CDH11: variants seen among roughly 807,000 people sequenced by gnomAD.
The protein encoded by CDH11 is cadherin-11.
A neutral mutation model predicts 67.8 loss-of-function variants in CDH11; 11 were observed. That is an observed-to-expected ratio of 0.16 (90% CI 0.10 to 0.27). CDH11 has a LOEUF of 0.27. Ranked by LOEUF, CDH11 falls within the 10% of genes least tolerant of loss-of-function variation. The pLI is 1.00. For missense variants in CDH11, 847 were observed against 1,031.2 expected, an observed-to-expected ratio of 0.82 and a Z score of 2.45; for synonymous variants, 419 against 400.0, an observed-to-expected ratio of 1.05 and a Z score of -0.57.
intron 2 of CDH11, among the ~76,000 whole-genome samples, chr16:65,024,712 C>T (rs1008856459): frequency 2.0e-5 from 3 of 152,234 alleles, no homozygotes; most frequent in Admixed American, 6.5e-5. Context: ...AAGAATATAG[C>T]GCTGGGCATT....
chr16:65,108,063 G>A (rs1378031457), intron 1 of CDH11, among the ~76,000 whole-genome samples: 1 of 152,068 alleles, frequency 6.6e-6, no homozygotes. Context: ...CAGAAGTTAG[G>A]CACCCAATAA....
chr16:64,950,276 G>T (rs76947072), intron 12 of CDH11, among the ~76,000 whole-genome samples: 1 of 152,088 alleles, frequency 6.6e-6, no homozygotes, highest in Non-Finnish European at 1.5e-5. Flanking sequence ...AATTAGTGGA[G>T]GGGTTAGAGT....
At chr16:65,053,193 T>C (rs1301226522) in intron 2 of CDH11, among the ~76,000 whole-genome samples, 1 of 152,062 alleles carries the variant, frequency 6.6e-6, no homozygotes, top group Non-Finnish European at 1.5e-5. Context: ...ACCGAGCAGA[T>C]GGAGAAGGTA....
At chr16:65,078,887 A>G (rs16968430) in intron 1 of CDH11, among the ~76,000 whole-genome samples, 8,545 of 152,236 alleles carry the variant, frequency 0.056, 565 homozygotes, top group East Asian at 0.21. Flanking sequence ...CCTGGCTGTA[A>G]GCAATGTATA....
chr16:65,095,561 G>A (rs1450130700), intron 1 of CDH11, among the ~76,000 whole-genome samples: 2 of 152,130 alleles, frequency 1.3e-5, no homozygotes, highest in Non-Finnish European at 2.9e-5. Context: ...TTTACTTTAA[G>A]TGTGAAAAAT....
At position 64,946,002 on chromosome 16, in the gene CDH11, T is replaced by C. The variant is rs1458029199; in HGVS notation, c.*1601A>G. 2.3e-5 allele frequency: 24 copies of C among 1,058,874 alleles called. No individual in the cohort carries two copies. Among genetic ancestry groups the C allele is most frequent in the Non-Finnish European group, 2.7e-5 (24 of 875,320 alleles). The allele number at this position is 1,058,874 out of a possible 1,614,324, so 65.6% of individuals were successfully genotyped here. A position where few individuals can be genotyped will look rare whatever the true frequency, so the allele number is the denominator to read the frequency against. ...CCCAACTGAACAGGTGAAATGCCCT[T>C]CACATAAGTTTCAATCCCCAAGAAA... On this transcript the variant is annotated 3_prime_UTR_variant, in exon 13 of 13. Transcript: ENST00000268603.
intron 2 of CDH11, among the ~76,000 whole-genome samples, chr16:65,019,600 A>T (rs2073381392): frequency 6.6e-6 from 1 of 152,152 alleles, no homozygotes; most frequent in South Asian, 2.1e-4. Flanking sequence ...TCGTTTGACC[A>T]TAGGTAAGAT....
chr16:64,945,861 A>G lies in CDH11; in HGVS notation c.*1742T>C. ...ATAAAGTCAGAAAAAAACTGTAAAA[A>G]TTGTCTGCAATCCAAGAAAAAGCAC... On this transcript the variant is annotated 3_prime_UTR_variant, in exon 13 of 13. Coordinates refer to ENST00000268603, the MANE Select transcript of CDH11 (RefSeq NM_001797.4). 1 of 1,055,016 alleles carries G rather than the reference A, an allele frequency of 9.5e-7. No homozygotes were observed. Among genetic ancestry groups the G allele is most frequent in the Non-Finnish European group, 1.1e-6 (1 of 872,858 alleles). 65.4% of individuals were successfully genotyped at this position (1,055,016 alleles called of 1,614,324 possible). A position where few individuals can be genotyped will look rare whatever the true frequency, so the allele number is the denominator to read the frequency against.
intron 12 of CDH11, chr16:64,948,610 G>A (rs975949840): frequency 2.3e-5 from 37 of 1,608,886 alleles, no homozygotes; most frequent in Middle Eastern, 1.6e-4. Flanking sequence ...AAGTCTTACC[G>A]TAAGTGTGGT....
rs544439462 is a variant in CDH11 at position 65,045,948 on chromosome 16, A to G, written c.-173+7856T>C. Among the ~76,000 whole-genome samples the G allele has an allele frequency of 5.9e-5, 9 of 152,304 alleles. No homozygotes were observed. The East Asian group carries it at 1.7e-3, about 29-fold the overall frequency. ...CAGGAATTATTTGATGAGTTAGTGA[A>G]TGAATGAATACCAGAAAACAATCCT... On this transcript the variant is annotated intron_variant, in intron 2 of 12. Transcript: ENST00000268603.
chr16:64,998,336 A>G (rs1283590601), intron 4 of CDH11, among the ~76,000 whole-genome samples: 2 of 152,272 alleles, frequency 1.3e-5, no homozygotes, highest in Non-Finnish European at 2.9e-5. Context: ...CCTATTAGAC[A>G]TCAATACGCA....
intron 2 of CDH11, among the ~76,000 whole-genome samples, chr16:65,014,081 C>T (rs900539056): frequency 6.6e-6 from 1 of 152,128 alleles, no homozygotes; most frequent in Admixed American, 6.5e-5. Context: ...TGCGTAAATA[C>T]ATATTTTAAC....
intron 1 of CDH11, among the ~76,000 whole-genome samples, chr16:65,120,458 C>A (rs1050771233): frequency 6.6e-6 from 1 of 152,064 alleles, no homozygotes; most frequent in African/African-American, 2.4e-5. Context: ...CATATTAAAC[C>A]GATAGCCATG....
rs530609641 is a variant in CDH11, at chr16:65,031,409, T to C, written c.-173+22395A>G. ...TGTGAAAAGTTCTTTGATGGGGGAC[T>C]TAGGGGGCTGAGATAATTCAGCAGA... On this transcript the variant is annotated intron_variant, in intron 2 of 12. Coordinates refer to ENST00000268603, the MANE Select transcript of CDH11 (RefSeq NM_001797.4). 3.3e-5 allele frequency among the ~76,000 whole-genome samples: 5 copies of C among 152,272 alleles called. 1 individual carries two copies. The highest frequency in any genetic ancestry group is 4.8e-5 in the African/African-American group (2 of 41,562).
At chr16:65,122,278 G>C (rs2075348815), upstream of CDH11, 1 of 386,098 alleles carries the variant, frequency 2.6e-6, no homozygotes, top group Non-Finnish European at 4.7e-6. Flanking sequence ...CCCCCCAGGG[G>C]CCCAGAGATG....
At chr16:65,109,903 A>G (rs1005408789) in intron 1 of CDH11, among the ~76,000 whole-genome samples, 1 of 151,760 alleles carries the variant, frequency 6.6e-6, no homozygotes, top group African/African-American at 2.4e-5. Context: ...TTGTTTTAAG[A>G]CAGGGTCTGG....
intron 7 of CDH11, chr16:64,985,561 A>G (rs1415065594): frequency 6.6e-5 from 10 of 152,010 alleles, no homozygotes; most frequent in Admixed American, 5.9e-4. Context: ...ACTCAGCTTG[A>G]GAACTGCCCC....
intron 8 of CDH11, among the ~76,000 whole-genome samples, chr16:64,973,917 G>T (rs2072084199): frequency 6.6e-6 from 1 of 152,140 alleles, no homozygotes; most frequent in South Asian, 2.1e-4. Flanking sequence ...AGCGTGTAAT[G>T]TACAAAGTAA....
chr16:65,086,344 AC>A (rs1363240411), intron 1 of CDH11, among the ~76,000 whole-genome samples: 1 of 152,214 alleles, frequency 6.6e-6, no homozygotes, highest in Non-Finnish European at 1.5e-5. Context: ...CTTTAAAGCC[AC>A]CTCAAGGGTT....
Sources: allele counts gnomAD v4.1 joint callset (sites outside exome capture counted in the v4.1 genomes callset), GRCh38; gene constraint gnomAD v4.1.1; transcripts MANE v1.5; gene names NCBI Gene and HGNC (gene_info 2026-07-23, HGNC 2026-07-21).